Variants in SLC35F3 observed in about 807,000 individuals in gnomAD.
The protein encoded by SLC35F3 is solute carrier family 35 member F3, also known as putative thiamine transporter SLC35F3.
In SLC35F3, 25 loss-of-function variants were observed where a neutral mutation model predicts 49.9. That is an observed-to-expected ratio of 0.50 (90% CI 0.37 to 0.70). SLC35F3 has a LOEUF of 0.70. SLC35F3 is among the 30% of genes least tolerant of loss of function. The pLI, the probability that SLC35F3 is intolerant of heterozygous loss-of-function variation, is 0.00. For missense variants in SLC35F3, 525 were observed against 639.8 expected (o/e 0.82, Z 1.94); for synonymous variants, 275 against 265.4 (o/e 1.04, Z -0.35).
At chr1:234,093,999 G>A (rs1558227515) in intron 2 of SLC35F3, among the ~76,000 whole-genome samples, 1 of 152,172 alleles carries the variant, frequency 6.6e-6, no homozygotes, top group Non-Finnish European at 1.5e-5. Context: ...GCAGCAGACC[G>A]CCCAGACGGC....
intron 2 of SLC35F3, among the ~76,000 whole-genome samples, chr1:234,092,408 C>G (rs6671634): frequency 6.6e-6 from 1 of 152,036 alleles, no homozygotes; most frequent in Non-Finnish European, 1.5e-5. Flanking sequence ...TCTCCCACCC[C>G]CTCCTACACT....
chr1:234,029,572 G>T (rs535468857), intron 2 of SLC35F3, among the ~76,000 whole-genome samples: 1 of 152,274 alleles, frequency 6.6e-6, no homozygotes, highest in African/African-American at 2.4e-5. Flanking sequence ...CTGACAGAAG[G>T]AACCCACATT....
intron 2 of SLC35F3, among the ~76,000 whole-genome samples, chr1:234,155,051 A>G (rs768713235): frequency 6.6e-6 from 1 of 152,192 alleles, no homozygotes; most frequent in Non-Finnish European, 1.5e-5. Flanking sequence ...AATTACTTAT[A>G]ATACCTAACA....
At chr1:234,235,194 TTAGTCTTCC>T (rs1399127412) in intron 3 of SLC35F3, among the ~76,000 whole-genome samples, 1 of 152,326 alleles carries the variant, frequency 6.6e-6, no homozygotes, top group East Asian at 1.9e-4. Context: ...AGCCCCTGCC[TTAGTCTTCC>T]TAGCAAGCAC....
intron 4 of SLC35F3, among the ~76,000 whole-genome samples, chr1:234,311,644 A>G (rs1657357358): frequency 1.3e-5 from 2 of 152,216 alleles, no homozygotes; most frequent in Admixed American, 6.5e-5. Flanking sequence ...GTGTCTTATC[A>G]TGCTGGGGAG....
At chr1:234,103,797 A>G (rs1390938354) in intron 2 of SLC35F3, among the ~76,000 whole-genome samples, 1 of 152,160 alleles carries the variant, frequency 6.6e-6, no homozygotes, top group Non-Finnish European at 1.5e-5. Flanking sequence ...TTCCCCACTC[A>G]TTGACTTCAG....
chr1:233,985,496 A>G (rs1663252661), intron 2 of SLC35F3, among the ~76,000 whole-genome samples: 1 of 152,222 alleles, frequency 6.6e-6, no homozygotes, highest in Non-Finnish European at 1.5e-5. Context: ...TTAATTTCTT[A>G]ACATGTCATG....
At chr1:234,028,305 G>A (rs4244367) in intron 2 of SLC35F3, among the ~76,000 whole-genome samples, 72,490 of 151,970 alleles carry the variant, frequency 0.48, 17,458 homozygotes, top group African/African-American at 0.5. Flanking sequence ...TGTGGTCTAC[G>A]TAGCTCTACC....
chr1:234,025,732 C>T (rs1485793805), intron 2 of SLC35F3, among the ~76,000 whole-genome samples: 1 of 152,044 alleles, frequency 6.6e-6, no homozygotes, highest in African/African-American at 2.4e-5. Context: ...TGTAGGGTGC[C>T]ATTTGTAAAT....
intron 3 of SLC35F3, among the ~76,000 whole-genome samples, chr1:234,304,741 G>A (rs1399820636): frequency 1.3e-5 from 2 of 152,292 alleles, no homozygotes; most frequent in African/African-American, 4.8e-5. Context: ...AAGGATAAAT[G>A]TTATCTCCCC....
chr1:234,156,974 G>A (rs564726653), intron 2 of SLC35F3, among the ~76,000 whole-genome samples: 54 of 152,264 alleles, frequency 3.5e-4, no homozygotes, highest in African/African-American at 1.3e-3. Flanking sequence ...GGGAAATAGA[G>A]AGTGAATGCT....
intron 2 of SLC35F3, among the ~76,000 whole-genome samples, chr1:233,986,839 C>T (rs993935053): frequency 1.3e-5 from 2 of 152,178 alleles, no homozygotes; most frequent in Non-Finnish European, 2.9e-5. Flanking sequence ...GGATTGATTA[C>T]GTCCCAGGCT....
At chr1:234,114,088 C>A (rs1407156544) in intron 2 of SLC35F3, among the ~76,000 whole-genome samples, 1 of 152,128 alleles carries the variant, frequency 6.6e-6, no homozygotes, top group East Asian at 1.9e-4. Context: ...TTCAAACTAC[C>A]AGTGTGACAT....
chr1:234,222,073 G>T (rs1667214748), intron 2 of SLC35F3, among the ~76,000 whole-genome samples: 1 of 152,168 alleles, frequency 6.6e-6, no homozygotes, highest in Non-Finnish European at 1.5e-5. Context: ...AGTAGATTTT[G>T]GTATTTGAGC....
intron 2 of SLC35F3, among the ~76,000 whole-genome samples, chr1:234,120,259 G>A (rs1389646560): frequency 1.3e-5 from 2 of 152,192 alleles, no homozygotes; most frequent in Admixed American, 6.5e-5. Flanking sequence ...CATTTTGTAT[G>A]CAATGAAAAT....
chr1:234,017,633 G>T (rs562510653), intron 2 of SLC35F3, among the ~76,000 whole-genome samples: 2 of 144,812 alleles, frequency 1.4e-5, no homozygotes, highest in African/African-American at 5.0e-5. Flanking sequence ...AGAATGGCAT[G>T]AACCCATGAG....
chr1:234,245,965 A>G (rs543842), intron 3 of SLC35F3, among the ~76,000 whole-genome samples: 120,980 of 152,080 alleles, frequency 0.8, 48,515 homozygotes, highest in African/African-American at 0.9. Flanking sequence ...GAGCCTGCCC[A>G]GTTTCAAGGG....
chr1:234,278,436 G>A (rs1267604486), intron 3 of SLC35F3, among the ~76,000 whole-genome samples: 1 of 150,258 alleles, frequency 6.7e-6, no homozygotes, highest in East Asian at 1.9e-4. Flanking sequence ...ATTGCAGTAA[G>A]CCAAGACTGC....
At chr1:234,253,097 G>A (rs1391875145) in intron 3 of SLC35F3, among the ~76,000 whole-genome samples, 3 of 152,108 alleles carry the variant, frequency 2.0e-5, no homozygotes, top group South Asian at 2.1e-4. Flanking sequence ...AGGCCAAGGC[G>A]GGTGGATCAC....
Sources: allele counts gnomAD v4.1 joint callset (sites outside exome capture counted in the v4.1 genomes callset), GRCh38; gene constraint gnomAD v4.1.1; transcripts MANE v1.5; gene names NCBI Gene and HGNC (gene_info 2026-07-23, HGNC 2026-07-21).